The following ABHD5 variants were observed in gnomAD, a reference collection of about 807,000 sequenced individuals.
ABHD5 encodes abhydrolase domain containing 5, lysophosphatidic acid acyltransferase, also known as 1-acylglycerol-3-phosphate O-acyltransferase ABHD5.
Under a neutral mutation model 44.9 loss-of-function variants are expected in ABHD5, and 30 were observed. The ratio of observed to expected loss-of-function variants is 0.67; its 90% CI spans 0.50 to 0.91. ABHD5 has a LOEUF of 0.91. Among genes scored for constraint, ABHD5 ranks in the 40% least tolerant of loss-of-function variants. The probability of loss-of-function intolerance (pLI) is 0.00; values close to 1 mark genes in which losing one functional copy is unlikely to be tolerated. For missense variants in ABHD5, 399 were observed against 423.4 expected (o/e 0.94, Z 0.50); for synonymous variants, 167 against 147.0 (o/e 1.14, Z -0.99).
chr3:43,726,305 C>T (rs1328126794), downstream of ABHD5, among the ~76,000 whole-genome samples: 6 of 152,164 alleles, frequency 3.9e-5, no homozygotes, highest in Admixed American at 2.0e-4. Context: ...ATATTTCTGT[C>T]GGGACTTAGG....
At chr3:43,724,636 G>A (rs80117169), downstream of ABHD5, among the ~76,000 whole-genome samples, 3,278 of 152,226 alleles carry the variant, frequency 0.022, 127 homozygotes, top group African/African-American at 0.075. Flanking sequence ...CTCTATATAA[G>A]TGGCAATATG....
intron 1 of ABHD5, among the ~76,000 whole-genome samples, chr3:43,696,868 G>T (rs2084479895): frequency 6.6e-6 from 1 of 151,988 alleles, no homozygotes; most frequent in East Asian, 1.9e-4. Context: ...GCTATGTTTT[G>T]TTAAATATAT....
chr3:43,691,018 A>T lies in ABHD5; in HGVS notation c.26A>T (p.Asp9Val), dbSNP rs144420157. Residue 9 changes from aspartate (D) to valine (V), a missense_variant, in exon 1 of 7, where the codon GAC (aspartate) becomes GTC (valine). Coordinates refer to ENST00000644371, the MANE Select transcript of ABHD5 (RefSeq NM_016006.6). Reference sequence around the variant, plus strand: ...ATGGCGGCGGAGGAGGAGGAGGTGGACTCTGCCGACACCGGAGAGAGGTAA... The same window carrying T: ...ATGGCGGCGGAGGAGGAGGAGGTGGTCTCTGCCGACACCGGAGAGAGGTAA... MAAEEEEV[D>V]SADTGERSGW... The T allele has an allele frequency of 3.8e-6, 6 of 1,563,070 alleles. No individual in the cohort carries two copies. The Admixed American group carries it at 7.4e-5, about 19-fold the overall frequency.
chr3:43,701,713 A>T (rs984714996), intron 2 of ABHD5, among the ~76,000 whole-genome samples: 1 of 152,194 alleles, frequency 6.6e-6, no homozygotes, highest in Non-Finnish European at 1.5e-5. Flanking sequence ...TTTAACATAG[A>T]TACCAGTAAT....
intron 7 of ABHD5, among the ~76,000 whole-genome samples, chr3:43,727,834 C>T (rs1395838822): frequency 3.9e-5 from 6 of 152,174 alleles, no homozygotes. Context: ...GTCTTGAACT[C>T]CTGACCTCAG....
chr3:43,708,390 C>G (rs1372406653), intron 3 of ABHD5, among the ~76,000 whole-genome samples: 1 of 152,176 alleles, frequency 6.6e-6, no homozygotes, highest in Non-Finnish European at 1.5e-5. Context: ...TACATTAAAA[C>G]CCAGTAACTC....
chr3:43,710,283 T>G lies in ABHD5; in HGVS notation c.507-1426T>G, dbSNP rs559857528. On this transcript the variant is annotated intron_variant, in intron 3 of 6. Coordinates refer to ENST00000644371, the MANE Select transcript of ABHD5 (RefSeq NM_016006.6). The stretch of plus-strand genomic sequence containing the variant: ...CTACATATGTTAATGCTATGAAGTT[T>G]GGAGTATAATATTAGGACTGGCCTT... 1.6e-3 allele frequency among the ~76,000 whole-genome samples: 238 copies of G among 152,348 alleles called. 1 individual carries two copies. Among genetic ancestry groups the G allele is most frequent in the African/African-American group, 5.2e-3 (215 of 41,588 alleles).
chr3:43,700,326 CTG>C (rs1247977373), intron 2 of ABHD5, among the ~76,000 whole-genome samples: 1 of 152,020 alleles, frequency 6.6e-6, no homozygotes, highest in African/African-American at 2.4e-5. Context: ...TCCAAGGTAT[CTG>C]TGGGTGTAGT....
chr3:43,710,979 G>A (rs1232155142), intron 3 of ABHD5, among the ~76,000 whole-genome samples: 3 of 152,172 alleles, frequency 2.0e-5, no homozygotes, highest in Non-Finnish European at 4.4e-5. Context: ...TGAAATAATT[G>A]TATATGAAGT....
At chr3:43,724,649 A>G (rs1219952613), downstream of ABHD5, among the ~76,000 whole-genome samples, 1 of 152,208 alleles carries the variant, frequency 6.6e-6, no homozygotes, top group Non-Finnish European at 1.5e-5. Context: ...GCAATATGGA[A>G]AATTTCCAAA....
At chr3:43,717,636 A>T in intron 5 of ABHD5, 35 bp from the exon 6 acceptor site, 1 of 1,611,840 alleles carries the variant, frequency 6.2e-7, no homozygotes, top group Non-Finnish European at 8.5e-7. Flanking sequence ...CATTCCCAAA[A>T]ATCATACATC....
Position 43,718,839 on chromosome 3 carries a change from T to C in ABHD5, c.*307T>C, listed in dbSNP as rs2084800886. On this transcript the variant is annotated 3_prime_UTR_variant, in exon 7 of 7. Coordinates refer to ENST00000644371, the MANE Select transcript of ABHD5 (RefSeq NM_016006.6). ...TGTAATTTTTCAGCTGAAAATTTTT[T>C]AATCTAACTTTGCTAGTTATTTTTA... is the stretch of plus-strand genomic sequence containing the variant. The C allele has an allele frequency of 5.1e-5, 16 of 314,504 alleles. No homozygotes were observed. Among genetic ancestry groups the C allele is most frequent in the Middle Eastern group, 1.0e-3 (1 of 968 alleles). 19.5% of individuals were successfully genotyped at this position (314,504 alleles called of 1,614,324 possible). A position where few individuals can be genotyped will look rare whatever the true frequency, so the allele number is the denominator to read the frequency against.
chr3:43,706,962 CT>C (rs1040632673), intron 3 of ABHD5, among the ~76,000 whole-genome samples: 4 of 152,110 alleles, frequency 2.6e-5, no homozygotes, highest in Non-Finnish European at 4.4e-5. Flanking sequence ...CCATTCGTTA[CT>C]TTTATAGGAC....
chr3:43,718,322 C>A, intron 6 of ABHD5, 121 bp from the exon 7 acceptor site: 1 of 821,226 alleles, frequency 1.2e-6, no homozygotes, highest in Non-Finnish European at 2.2e-6. Context: ...ATTTTTTAAT[C>A]ACGTGTTTTA....
intron 2 of ABHD5, among the ~76,000 whole-genome samples, chr3:43,701,105 T>A (rs2084537018): frequency 6.6e-6 from 1 of 152,206 alleles, no homozygotes; most frequent in African/African-American, 2.4e-5. Context: ...TCTGCTTTAG[T>A]GTCAGACATG....
chr3:43,714,841 C>T (rs1242601132), intron 4 of ABHD5, 106 bp from the exon 5 acceptor site: 4 of 722,448 alleles, frequency 5.5e-6, no homozygotes, highest in Non-Finnish European at 1.0e-5. Context: ...TATATGTGTG[C>T]ATATAACACT....
intron 1 of ABHD5, among the ~76,000 whole-genome samples, chr3:43,693,716 A>T (rs1411844426): frequency 6.8e-6 from 1 of 147,848 alleles, no homozygotes; most frequent in Admixed American, 6.8e-5. Context: ...ATCTTACCTT[A>T]CCTGACCAAC....
intron 3 of ABHD5, among the ~76,000 whole-genome samples, chr3:43,706,301 T>C (rs770803896): frequency 6.6e-6 from 1 of 152,202 alleles, no homozygotes; most frequent in Admixed American, 6.5e-5. Context: ...GTCATGATAT[T>C]CAAATGAATC....
chr3:43,694,258 C>CAAAA lies in ABHD5; in HGVS notation c.47+3237_47+3240dup, dbSNP rs80129256. Among the ~76,000 whole-genome samples, 9 of 45,514 alleles carry CAAAA rather than the reference C, an allele frequency of 2.0e-4. No homozygotes were observed. The South Asian group carries it at 2.3e-3, about 11-fold the overall frequency. 29.9% of individuals were successfully genotyped at this position (45,514 alleles called of 152,430 possible). Reference sequence around the variant, plus strand: ...TGGGCGACAGAGCAAGACTCCGTCTCAAAAAAAAAAAAAAAAAAAAAGCTC... The same window carrying CAAAA: ...TGGGCGACAGAGCAAGACTCCGTCTCAAAAAAAAAAAAAAAAAAAAAAAAAGCTC... On this transcript the variant is annotated intron_variant, in intron 1 of 6. Coordinates refer to ENST00000644371, the MANE Select transcript of ABHD5 (RefSeq NM_016006.6).
Sources: gnomAD v4.1 joint callset for allele counts (sites outside exome capture counted in the v4.1 genomes callset) on GRCh38, gnomAD v4.1.1 for gene constraint, MANE v1.5 for transcripts, NCBI Gene and HGNC (gene_info 2026-07-23, HGNC 2026-07-21) for gene names.